Variants in FAM222B observed in about 807,000 individuals in gnomAD.
FAM222B encodes family with sequence similarity 222 member B, also known as protein FAM222B.
FAM222B carries 12 observed loss-of-function variants against 38.0 expected under a neutral mutation model. That is an observed-to-expected ratio of 0.32 (90% confidence interval 0.20 to 0.51). The LOEUF is 0.51. Among genes scored for constraint, FAM222B ranks in the 20% least tolerant of loss-of-function variants. The probability of loss-of-function intolerance (pLI) is 0.97; values close to 1 mark genes in which losing one functional copy is unlikely to be tolerated. For synonymous variants in FAM222B, 329 were observed against 317.2 expected (o/e 1.04, Z -0.40); for missense variants, 716 against 754.2 (o/e 0.95, Z 0.59).
At chr17:28,770,571 AT>A (rs777229068) in intron 1 of FAM222B, among the ~76,000 whole-genome samples, 5,909 of 91,928 alleles carry the variant, frequency 0.064, 143 homozygotes, top group Middle Eastern at 0.17. Context: ...CCCAGCTAAT[AT>A]TTTTTTTTTT....
intron 1 of FAM222B, among the ~76,000 whole-genome samples, chr17:28,773,696 G>T (rs1376613146): frequency 6.6e-6 from 1 of 151,882 alleles, no homozygotes; most frequent in African/African-American, 2.4e-5. Flanking sequence ...TACTCGAGAG[G>T]CTGAGGCAGG....
chr17:28,843,798 T>A (rs533669369), upstream of FAM222B, among the ~76,000 whole-genome samples: 1 of 152,132 alleles, frequency 6.6e-6, no homozygotes, highest in South Asian at 2.1e-4. Context: ...TCGGGGGTAA[T>A]TATGTAAAGG....
chr17:28,802,939 T>C (rs1177911568), intron 1 of FAM222B: 3 of 152,194 alleles, frequency 2.0e-5, no homozygotes, highest in Non-Finnish European at 4.4e-5. Flanking sequence ...CCAACAGCTC[T>C]GATTATTAGC....
intron 1 of FAM222B, among the ~76,000 whole-genome samples, chr17:28,835,575 G>A (rs1419020628): frequency 6.6e-6 from 1 of 152,172 alleles, no homozygotes; most frequent in Non-Finnish European, 1.5e-5. Context: ...TACTTATGTT[G>A]TTTCTAGATT....
chr17:28,773,354 T>A (rs1477033779), intron 1 of FAM222B, among the ~76,000 whole-genome samples: 1 of 149,812 alleles, frequency 6.7e-6, no homozygotes, highest in Non-Finnish European at 1.5e-5. Flanking sequence ...TGGTGGTGGG[T>A]GCCTGTAATC....
At chr17:28,851,394 C>T (rs760997056) in intron 1 of FAM222B, among the ~76,000 whole-genome samples, 11 of 151,482 alleles carry the variant, frequency 7.3e-5, no homozygotes, top group South Asian at 2.1e-4. Flanking sequence ...ATTAGCCGGG[C>T]GTGGTGGCAG....
intron 1 of FAM222B, among the ~76,000 whole-genome samples, chr17:28,839,752 CAAAT>C (rs1233269953): frequency 1.3e-5 from 2 of 151,992 alleles, no homozygotes; most frequent in African/African-American, 2.4e-5. Context: ...GTATTATAGA[CAAAT>C]AATCTATTGG....
In FAM222B at chr17:28,784,564, C is replaced by T. The variant is rs1243882034; in HGVS notation, c.-40-17857G>A. ...ATCATTACTATTACTTTTCACTGGGCGCGGTGGCTCACGCCTGTAATCCCA... is the reference window on the plus strand; with the variant it reads ...ATCATTACTATTACTTTTCACTGGGTGCGGTGGCTCACGCCTGTAATCCCA... On this transcript the variant is annotated intron_variant, in intron 1 of 2. Transcript: ENST00000581407. Among the ~76,000 whole-genome samples, 74 of 137,980 alleles carry T rather than the reference C, an allele frequency of 5.4e-4. No homozygotes were observed. The Admixed American group carries it at 5.6e-3, about 10-fold the overall frequency. 90.5% of individuals were successfully genotyped at this position (137,980 alleles called of 152,430 possible). A position where few individuals can be genotyped will look rare whatever the true frequency, so the allele number is the denominator to read the frequency against.
intron 1 of FAM222B, among the ~76,000 whole-genome samples, chr17:28,819,339 CA>C (rs1240371580): frequency 6.6e-6 from 1 of 151,878 alleles, no homozygotes; most frequent in East Asian, 1.9e-4. Context: ...GACAAATAAC[CA>C]AAGGGGAAAA....
chr17:28,810,929 A>G lies in FAM222B; in HGVS notation c.-41+31753T>C, dbSNP rs139201636. Among the ~76,000 whole-genome samples the G allele has an allele frequency of 4.9e-3, 744 of 152,326 alleles. 6 individuals are homozygous for G. Among genetic ancestry groups the G allele is most frequent in the Admixed American group, 0.011 (174 of 15,300 alleles). On this transcript the variant is annotated intron_variant, in intron 1 of 2. Coordinates refer to ENST00000581407, the MANE Select transcript of FAM222B (RefSeq NM_001077498.3). ...AAGAAAAAAATCACTAATCTAGCCA[A>G]AAGTGTAAGACAGCTCCAGTGTATC...
intron 1 of FAM222B, among the ~76,000 whole-genome samples, chr17:28,805,458 C>T (rs575533278): frequency 1.9e-4 from 29 of 152,052 alleles, no homozygotes; most frequent in African/African-American, 6.3e-4. Flanking sequence ...TCACTTGAAC[C>T]CAGGAGGTGG....
intron 1 of FAM222B, among the ~76,000 whole-genome samples, chr17:28,800,034 CTT>C (rs35953415): frequency 2.3e-4 from 33 of 144,770 alleles, no homozygotes; most frequent in Non-Finnish European, 2.3e-4. Flanking sequence ...ATGATACTTT[CTT>C]TTTTTTTTTT....
chr17:28,840,715 G>C (rs2039007540), intron 1 of FAM222B, among the ~76,000 whole-genome samples: 2 of 152,114 alleles, frequency 1.3e-5, no homozygotes, highest in Admixed American at 1.3e-4. Context: ...CCAGCACTTT[G>C]GGAGGCTGGG....
chr17:28,802,190 C>T (rs906078391), intron 1 of FAM222B, among the ~76,000 whole-genome samples: 1 of 151,550 alleles, frequency 6.6e-6, no homozygotes, highest in African/African-American at 2.4e-5. Context: ...CTCTGCCTCC[C>T]AGGTTCAAGC....
At chr17:28,771,408 G>C (rs1237883640) in intron 1 of FAM222B, among the ~76,000 whole-genome samples, 1 of 152,156 alleles carries the variant, frequency 6.6e-6, no homozygotes, top group Non-Finnish European at 1.5e-5. Context: ...CTGGCTGGGC[G>C]TGGTGGCTCA....
intron 1 of FAM222B, among the ~76,000 whole-genome samples, chr17:28,823,432 T>G (rs2038334772): frequency 6.7e-6 from 1 of 148,938 alleles, no homozygotes; most frequent in Non-Finnish European, 1.5e-5. Flanking sequence ...TAGGCCGGAG[T>G]GCAGTGGCAC....
At chr17:28,837,123 T>G (rs2038870542) in intron 1 of FAM222B, among the ~76,000 whole-genome samples, 1 of 146,884 alleles carries the variant, frequency 6.8e-6, no homozygotes, top group African/African-American at 2.5e-5. Flanking sequence ...TCTCAAAAAG[T>G]AAATAAATAA....
At chr17:28,847,127 G>A (rs1406588958), upstream of FAM222B, among the ~76,000 whole-genome samples, 2 of 151,640 alleles carry the variant, frequency 1.3e-5, no homozygotes, top group African/African-American at 2.4e-5. Flanking sequence ...GGAGGCTGAG[G>A]CAGGAAAATC....
chr17:28,835,421 C>T (rs2038810222), intron 1 of FAM222B, among the ~76,000 whole-genome samples: 2 of 152,064 alleles, frequency 1.3e-5, no homozygotes, highest in Non-Finnish European at 2.9e-5. Context: ...ATGGTAGACA[C>T]TTAAATATTT....
Sources: allele counts gnomAD v4.1 joint callset (sites outside exome capture counted in the v4.1 genomes callset), GRCh38; gene constraint gnomAD v4.1.1; transcripts MANE v1.5; gene names NCBI Gene and HGNC (gene_info 2026-07-23, HGNC 2026-07-21).